Variants in MAG observed in about 807,000 individuals in gnomAD.
MAG encodes the protein myelin-associated glycoprotein.
MAG carries 30 observed loss-of-function variants against 60.7 expected under a neutral mutation model. The observed-to-expected ratio is 0.49, with a 90% confidence interval of 0.37 to 0.67. MAG has a LOEUF of 0.67. MAG is among the 30% of genes least tolerant of loss of function. The pLI, the probability that MAG is intolerant of heterozygous loss-of-function variation, is 0.00. For missense variants in MAG, 795 were observed against 851.7 expected (o/e 0.93, Z 0.83); for synonymous variants, 384 against 376.8 (o/e 1.02, Z -0.22).
intron 4 of MAG, among the ~76,000 whole-genome samples, chr19:35,298,798 C>A (rs2066423201): frequency 6.7e-6 from 1 of 150,184 alleles, no homozygotes; most frequent in South Asian, 2.1e-4. Context: ...CTACACAACA[C>A]CCCACACACA....
chr19:35,305,959 C>A (rs1599655269), intron 7 of MAG, among the ~76,000 whole-genome samples: 1 of 143,730 alleles, frequency 7.0e-6, no homozygotes, highest in Non-Finnish European at 1.5e-5. Context: ...TCCCAGCCCC[C>A]CACTCCAGCC....
chr19:35,296,041 T>TG, intron 4 of MAG, 60 bp downstream of exon 4: 1 of 1,514,508 alleles, frequency 6.6e-7, no homozygotes, highest in South Asian at 1.3e-5. Context: ...GGAAGGAGTG[T>TG]GGCCGGAAGG....
chr19:35,299,954 G>A (rs933599526), intron 5 of MAG, 104 bp downstream of exon 5: 82 of 1,268,820 alleles, frequency 6.5e-5, no homozygotes, highest in Admixed American at 4.5e-4. Context: ...GCCGTGATGG[G>A]GGCGGGGCCA....
chr19:35,310,871 T>C (rs950498060), intron 9 of MAG, among the ~76,000 whole-genome samples: 4 of 152,172 alleles, frequency 2.6e-5, no homozygotes, highest in African/African-American at 9.7e-5. Flanking sequence ...CACACATCAT[T>C]TGAGACCTGT....
At chr19:35,297,578 CCACACA>C (rs1339218140) in intron 4 of MAG, among the ~76,000 whole-genome samples, 1 of 147,374 alleles carries the variant, frequency 6.8e-6, no homozygotes, top group Admixed American at 6.8e-5. Flanking sequence ...TACCCACGTA[CCACACA>C]CACACCACAC....
At position 35,295,966 on chromosome 19, in the gene MAG, G is replaced by T; in HGVS notation, c.400G>T (p.Val134Phe). Residue 134 changes from valine to phenylalanine, a missense_variant, in exon 4 of 11, where the codon GTC (valine) becomes TTC (phenylalanine). Transcript: ENST00000392213. The surrounding 1 kb of genome is among the most constrained non-coding windows in gnomAD (Gnocchi z 5.8). ...CCAGTACACCTTCTCAGAGCACAGC[G>T]TCCTGGATATCGTCAGTGAGTCCCC... ...YNQYTFSEHS[V>F]LDIVNTPNIV... is the part of the protein sequence containing the mutation. 6.3e-7 allele frequency: 1 copy of T among 1,584,456 alleles called. No homozygotes were observed. The highest frequency in any genetic ancestry group is 8.6e-7 in the Non-Finnish European group (1 of 1,163,458).
Position 35,310,441 on chromosome 19 carries a change from G to A in MAG, c.1520-106G>A, listed in dbSNP as rs543911349. ...CAATCAGTCAGTGCAAGGATGCCCCGGCTGTGTGACTACATTGACTGTCAT... is the reference window on the plus strand; with the variant it reads ...CAATCAGTCAGTGCAAGGATGCCCCAGCTGTGTGACTACATTGACTGTCAT... On this transcript the variant is annotated intron_variant, in intron 8 of 10. Transcript: ENST00000392213. 560 of 1,022,624 alleles carry A rather than the reference G, an allele frequency of 5.5e-4. 1 individual carries two copies. Among genetic ancestry groups the A allele is most frequent in the South Asian group, 1.8e-3 (137 of 74,624 alleles). 63.3% of individuals were successfully genotyped at this position (1,022,624 alleles called of 1,614,324 possible). A position where few individuals can be genotyped will look rare whatever the true frequency, so the allele number is the denominator to read the frequency against.
chr19:35,305,781 C>T (rs2066479193), intron 7 of MAG, among the ~76,000 whole-genome samples: 1 of 152,192 alleles, frequency 6.6e-6, no homozygotes, highest in African/African-American at 2.4e-5. Context: ...CTGACAAAAC[C>T]CCATCTCTAC....
chr19:35,297,644 C>CACACT (rs2066410859), intron 4 of MAG, among the ~76,000 whole-genome samples: 1 of 148,628 alleles, frequency 6.7e-6, no homozygotes, highest in Admixed American at 6.7e-5. Context: ...ACACACCACA[C>CACACT]ACACTACACA....
intron 5 of MAG, 67 bp downstream of exon 5, chr19:35,299,917 T>TG (rs2066434486): frequency 2.2e-6 from 1 of 463,944 alleles, no homozygotes; most frequent in East Asian, 1.2e-4. Context: ...GGGGTGGACC[T>TG]GGGGATGCGG....
chr19:35,308,001 C>T (rs568877257), intron 7 of MAG, among the ~76,000 whole-genome samples: 3 of 152,068 alleles, frequency 2.0e-5, no homozygotes, highest in African/African-American at 4.8e-5. Flanking sequence ...CTGGGGAGGC[C>T]GGGGGCTGGG....
In MAG at chr19:35,295,665, C is replaced by G; in HGVS notation, c.99C>G (p.Phe33Leu). ...GAWMPSSISA[F>L]EGTCVSIPCR... ...GGATGCCCTCGTCCATCTCGGCCTT[C>G]GAAGGCACGTGCGTCTCCATCCCCT... Residue 33 changes from phenylalanine to leucine, a missense_variant, in exon 4 of 11, where the codon TTC becomes TTG. Physicochemically the swap from Phe to Leu is conservative, Grantham distance 22. Coordinates refer to ENST00000392213, the MANE Select transcript of MAG (RefSeq NM_002361.4). This position sits in a 1 kb window ranked among gnomAD's most constrained non-coding sequence, Gnocchi z 5.8. 1.9e-6 allele frequency: 3 copies of G among 1,611,962 alleles called. No individual in the cohort carries two copies. In the East Asian group the frequency reaches 6.7e-5, roughly 36 times the overall value.
chr19:35,302,440 C>T lies in MAG; in HGVS notation c.971-8C>T. 1.2e-6 allele frequency: 2 copies of T among 1,613,884 alleles called. No homozygotes were observed. The highest frequency in any genetic ancestry group is 1.6e-4 in the Middle Eastern group (1 of 6,082). On this transcript the variant is annotated splice_region_variant and splice_polypyrimidine_tract_variant and intron_variant, in intron 6 of 10. Coordinates refer to ENST00000392213, the MANE Select transcript of MAG (RefSeq NM_002361.4). ...GGTTCTGACCATCAGTCCCGTCCTA[C>T]CCCGCAGATGCACCCTGGAAGCCAA...
At chr19:35,310,671 G>T in intron 9 of MAG, 28 bp downstream of exon 9, 1 of 1,606,900 alleles carries the variant, frequency 6.2e-7, no homozygotes, top group Non-Finnish European at 8.5e-7. Flanking sequence ...CTGATCTGGG[G>T]ATGGGAGTCT....
At chr19:35,298,417 C>A (rs2066419293) in intron 4 of MAG, among the ~76,000 whole-genome samples, 1 of 150,464 alleles carries the variant, frequency 6.6e-6, no homozygotes, top group East Asian at 2.0e-4. Context: ...ACACCATGCA[C>A]ACACCACACA....
intron 7 of MAG, among the ~76,000 whole-genome samples, chr19:35,305,418 A>G (rs1026156203): frequency 6.6e-6 from 1 of 152,176 alleles, no homozygotes; most frequent in African/African-American, 2.4e-5. Flanking sequence ...AGTACGTTGT[A>G]CGCATTGACC....
Position 35,295,985 on chromosome 19 carries a change from A to G in MAG, c.415+4A>G. The G allele has an allele frequency of 6.4e-7, 1 of 1,562,508 alleles. No homozygotes were observed. Among genetic ancestry groups the G allele is most frequent in the African/African-American group, 1.4e-5 (1 of 73,646 alleles). The stretch of plus-strand genomic sequence containing the variant: ...CACAGCGTCCTGGATATCGTCAGTG[A>G]GTCCCCAGCGGTTGTGCAGGCACCG... On this transcript the variant is annotated splice_donor_region_variant and intron_variant, in intron 4 of 10. Coordinates refer to ENST00000392213, the MANE Select transcript of MAG (RefSeq NM_002361.4). The surrounding 1 kb of genome is among the most constrained non-coding windows in gnomAD (Gnocchi z 5.8).
chr19:35,302,380 G>A, intron 6 of MAG, 68 bp from the exon 7 acceptor site: 2 of 1,584,294 alleles, frequency 1.3e-6, no homozygotes, highest in East Asian at 4.5e-5. Flanking sequence ...TCATATCTGG[G>A]GATGGTAGTT....
intron 7 of MAG, among the ~76,000 whole-genome samples, 169 bp downstream of exon 7, chr19:35,302,877 T>C (rs970817709): frequency 6.6e-6 from 1 of 150,498 alleles, no homozygotes; most frequent in African/African-American, 2.4e-5. Flanking sequence ...TAAAATCCCA[T>C]CTGAGAATAT....
Sources: allele counts gnomAD v4.1 joint callset (sites outside exome capture counted in the v4.1 genomes callset), GRCh38; gene constraint gnomAD v4.1.1; non-coding constraint Gnocchi (gnomAD v3.1); transcripts MANE v1.5; gene names NCBI Gene and HGNC (gene_info 2026-07-23, HGNC 2026-07-21).